KIAA0232: variants seen among roughly 807,000 people sequenced by gnomAD.
KIAA0232 encodes the protein uncharacterized protein KIAA0232.
Under a neutral mutation model 122.0 loss-of-function variants are expected in KIAA0232, and 27 were observed. The ratio of observed to expected loss-of-function variants is 0.22; its 90% CI spans 0.16 to 0.31. KIAA0232 has a LOEUF of 0.31. Among genes scored for constraint, KIAA0232 ranks in the 10% least tolerant of loss-of-function variants. The pLI, the probability that KIAA0232 is intolerant of heterozygous loss-of-function variation, is 1.00. For synonymous variants in KIAA0232, 613 were observed against 587.6 expected, an observed-to-expected ratio of 1.04 and a Z score of -0.63; for missense variants, 1,551 against 1,634.2, an observed-to-expected ratio of 0.95 and a Z score of 0.88.
intron 1 of KIAA0232, among the ~76,000 whole-genome samples, chr4:6,793,181 GTTAA>G (rs920593490): frequency 6.6e-6 from 1 of 151,848 alleles, no homozygotes; most frequent in Non-Finnish European, 1.5e-5. Context: ...ATTACCATTA[GTTAA>G]TTAAGTAATT....
At chr4:6,878,246 A>T (rs1331458559) in intron 9 of KIAA0232, among the ~76,000 whole-genome samples, 1 of 152,058 alleles carries the variant, frequency 6.6e-6, no homozygotes, top group African/African-American at 2.4e-5. Flanking sequence ...GTGATGGTGC[A>T]CCCCTGTAAT....
rs774099400 is a variant in KIAA0232 at position 6,861,707 on chromosome 4, C to G, written c.1325C>G (p.Ser442Cys). ...DLTSEAVEELSESVHGLCISN... is the reference protein window; with the variant it reads ...DLTSEAVEELCESVHGLCISN... ...ACATCAGAGGCAGTGGAAGAATTGT[C>G]TGAATCAGTGCATGGTCTTTGTATC... Residue 442 changes from serine (S) to cysteine (C), a missense_variant, in exon 7 of 10, where the codon TCT (serine) becomes TGT (cysteine). Physicochemically the swap from Ser to Cys is moderately radical, Grantham distance 112 (BLOSUM62 -1). This residue lies in a region of KIAA0232 where 1,108 missense variants were observed against 1,154.8 expected (regional missense o/e 0.96). Coordinates refer to ENST00000307659, the MANE Select transcript of KIAA0232 (RefSeq NM_014743.3). 4.3e-6 allele frequency: 7 copies of G among 1,613,994 alleles called. No individual in the cohort carries two copies. In the South Asian group the frequency reaches 6.6e-5, roughly 15 times the overall value.
rs1329631251 is a variant in KIAA0232, at chr4:6,884,155, A to T, written c.*3189A>T. 6.6e-6 allele frequency: 1 copy of T among 152,230 alleles called. No individual in the cohort carries two copies. 9.4% of individuals were successfully genotyped at this position (152,230 alleles called of 1,614,324 possible). ...GGAATTAAAAGAAAAATAAAAAAAT[A>T]TAAACTTTATTTCTCAACATAAGTT... On this transcript the variant is annotated 3_prime_UTR_variant, in exon 10 of 10. Coordinates refer to ENST00000307659, the MANE Select transcript of KIAA0232 (RefSeq NM_014743.3).
chr4:6,783,589 C>A, intron 1 of KIAA0232, among the ~76,000 whole-genome samples: 1 of 151,936 alleles, frequency 6.6e-6, no homozygotes. Context: ...CCTTTTGGGG[C>A]CCCGGGAAGG....
intron 1 of KIAA0232, among the ~76,000 whole-genome samples, chr4:6,787,177 CAAA>C (rs34617834): frequency 2.9e-3 from 238 of 81,384 alleles, no homozygotes; most frequent in African/African-American, 8.1e-3. Flanking sequence ...AAGGCTCTCT[CAAA>C]AAAAAAAAAA....
At chr4:6,847,109 A>C (rs1720006217) in intron 4 of KIAA0232, among the ~76,000 whole-genome samples, 1 of 152,178 alleles carries the variant, frequency 6.6e-6, no homozygotes, top group South Asian at 2.1e-4. Flanking sequence ...TATAGGTAGG[A>C]AGTACTGGTG....
intron 4 of KIAA0232, among the ~76,000 whole-genome samples, chr4:6,847,845 A>G (rs1720049345): frequency 8.5e-6 from 1 of 117,546 alleles, no homozygotes; most frequent in Non-Finnish European, 1.9e-5. Flanking sequence ...TATGCAAACC[A>G]CTCTTCATTT....
intron 2 of KIAA0232, among the ~76,000 whole-genome samples, chr4:6,806,440 A>G (rs941246763): frequency 4.6e-5 from 7 of 152,160 alleles, no homozygotes; most frequent in African/African-American, 1.7e-4. Context: ...TTCAAACAGT[A>G]ACAAAACAAT....
Position 6,840,530 on chromosome 4 carries a change from G to A in KIAA0232, c.232-1537G>A, listed in dbSNP as rs142056207. Among the ~76,000 whole-genome samples the A allele has an allele frequency of 2.1e-3, 320 of 152,270 alleles. 2 individuals carry two copies. Among genetic ancestry groups the A allele is most frequent in the African/African-American group, 7.4e-3 (308 of 41,542 alleles). ...CTTTTGATAAAGACAGCATGGAAAA[G>A]TCAATCAGAACTCTAGCCTTACGTG... On this transcript the variant is annotated intron_variant, in intron 3 of 9. Coordinates refer to ENST00000307659, the MANE Select transcript of KIAA0232 (RefSeq NM_014743.3).
Position 6,824,051 on chromosome 4 carries a change from G to GA in KIAA0232, c.-269-129dup, listed in dbSNP as rs141723630. ...TTTAAAATATCAAAGATGATGGGGG[G>GA]AAAAATCAGTGTTCTAAGATACCAA... is the stretch of plus-strand genomic sequence containing the variant. On this transcript the variant is annotated intron_variant, in intron 2 of 9. Transcript: ENST00000307659. 768 of 374,480 alleles carry GA rather than the reference G, an allele frequency of 2.1e-3. 12 individuals carry two copies. Among genetic ancestry groups the GA allele is most frequent in the African/African-American group, 0.014 (690 of 47,992 alleles). 23.2% of individuals were successfully genotyped at this position (374,480 alleles called of 1,614,324 possible). A position where few individuals can be genotyped will look rare whatever the true frequency, so the allele number is the denominator to read the frequency against.
intron 2 of KIAA0232, among the ~76,000 whole-genome samples, chr4:6,818,114 A>T (rs1380298702): frequency 6.6e-6 from 1 of 152,132 alleles, no homozygotes; most frequent in African/African-American, 2.4e-5. Flanking sequence ...TCAAGAATAC[A>T]TTCCCAGGCT....
intron 7 of KIAA0232, among the ~76,000 whole-genome samples, chr4:6,869,505 G>A (rs1035343605): frequency 3.9e-5 from 6 of 152,204 alleles, no homozygotes; most frequent in Non-Finnish European, 8.8e-5. Context: ...TGGAAGAACT[G>A]CAGGCCTTGC....
At chr4:6,830,170 G>A (rs914902358) in intron 3 of KIAA0232, among the ~76,000 whole-genome samples, 2 of 152,168 alleles carry the variant, frequency 1.3e-5, no homozygotes, top group East Asian at 1.9e-4. Context: ...TTCCATTCAC[G>A]GTAACTCATT....
chr4:6,807,004 T>C (rs962431018), intron 2 of KIAA0232, among the ~76,000 whole-genome samples: 6 of 150,976 alleles, frequency 4.0e-5, no homozygotes, highest in Non-Finnish European at 7.4e-5. Context: ...CATTACAAAA[T>C]TGGTTTTTCC....
At chr4:6,807,831 T>C (rs1410089954) in intron 2 of KIAA0232, among the ~76,000 whole-genome samples, 2 of 152,204 alleles carry the variant, frequency 1.3e-5, no homozygotes, top group African/African-American at 4.8e-5. Flanking sequence ...CCCAGCACTT[T>C]GGGAGGCCAA....
chr4:6,837,883 G>T (rs1480185757), intron 3 of KIAA0232, among the ~76,000 whole-genome samples: 1 of 151,664 alleles, frequency 6.6e-6, no homozygotes, highest in East Asian at 1.9e-4. Flanking sequence ...AGCCTTGGCT[G>T]GGCATTAGAG....
chr4:6,784,389 A>G (rs1275667580), intron 1 of KIAA0232, among the ~76,000 whole-genome samples: 1 of 150,620 alleles, frequency 6.6e-6, no homozygotes, highest in Admixed American at 6.6e-5. Flanking sequence ...CCGTTCCAGA[A>G]CACTTTGACC....
rs1307678524 is a variant in KIAA0232 at position 6,863,670 on chromosome 4, A to G, written c.3288A>G (p.Gln1096=). ...GGATATGTGGTGTTGACAGAACACA[A>G]TACAGGGCTATTCGGATCTCTCCTC... ...HPRICGVDRT[Q]YRAIRISPRT... is the part of the protein sequence containing the mutation. The change falls in exon 7 of 10, where the codon CAA becomes CAG. Residue 1096 remains glutamine, a synonymous_variant. Transcript: ENST00000307659. 6.2e-7 allele frequency: 1 copy of G among 1,614,128 alleles called. No homozygotes were observed. Among genetic ancestry groups the G allele is most frequent in the African/African-American group, 1.3e-5 (1 of 74,948 alleles).
At chr4:6,816,338 A>G (rs532095001) in intron 2 of KIAA0232, among the ~76,000 whole-genome samples, 157 of 149,848 alleles carry the variant, frequency 1.0e-3, no homozygotes, top group African/African-American at 3.4e-3. Flanking sequence ...GCTCGAGTGC[A>G]GTGGCGTGAT....
Sources: gnomAD v4.1 joint callset for allele counts (sites outside exome capture counted in the v4.1 genomes callset) on GRCh38, gnomAD v4.1.1 for gene constraint, gnomAD v4.1.1 regional missense constraint, MANE v1.5 for transcripts, NCBI Gene and HGNC (gene_info 2026-07-23, HGNC 2026-07-21) for gene names.